CNOT6L: variants seen among roughly 807,000 people sequenced by gnomAD.
The protein encoded by CNOT6L is CCR4-NOT transcription complex subunit 6 like.
A neutral mutation model predicts 64.0 loss-of-function variants in CNOT6L; 7 were observed. That is an observed-to-expected ratio of 0.11 (90% CI 0.06 to 0.21). CNOT6L has a LOEUF of 0.21. Ranked by LOEUF, CNOT6L falls within the 10% of genes least tolerant of loss-of-function variation. The probability of loss-of-function intolerance (pLI) is 1.00; values close to 1 mark genes in which losing one functional copy is unlikely to be tolerated. For missense variants in CNOT6L, 245 were observed against 669.0 expected (o/e 0.37, Z 6.99); for synonymous variants, 193 against 243.4 (o/e 0.79, Z 1.93).
chr4:77,818,900 T>C (rs950271462), intron 1 of CNOT6L: 8 of 521,912 alleles, frequency 1.5e-5, no homozygotes, highest in Admixed American at 1.5e-4. Flanking sequence ...CCAGCAGCTC[T>C]CCCAGCCCCG....
chr4:77,815,601 A>G (rs1213941283), intron 1 of CNOT6L, among the ~76,000 whole-genome samples: 1 of 152,240 alleles, frequency 6.6e-6, no homozygotes, highest in Non-Finnish European at 1.5e-5. Context: ...CCCTTGTAGC[A>G]GAGATGGCCA....
chr4:77,726,376 G>A lies in CNOT6L; in HGVS notation c.1253-7C>T. The stretch of plus-strand genomic sequence containing the variant: ...CTTAAGTATTCCACAACACCTGGTA[G>A]AATAAAGAAGAGACACTTCCATTTA... On this transcript the variant is annotated splice_region_variant and splice_polypyrimidine_tract_variant and intron_variant, in intron 10 of 11. Transcript: ENST00000504123. 1 of 1,601,608 alleles carries A rather than the reference G, an allele frequency of 6.2e-7. No individual in the cohort carries two copies. Among genetic ancestry groups the A allele is most frequent in the Non-Finnish European group, 8.5e-7 (1 of 1,170,784 alleles).
intron 6 of CNOT6L, among the ~76,000 whole-genome samples, chr4:77,745,310 G>A (rs1261453877): frequency 6.6e-6 from 1 of 152,122 alleles, no homozygotes; most frequent in East Asian, 1.9e-4. Context: ...TTACTTTGAA[G>A]CAGAAGAGTA....
chr4:77,815,471 C>A (rs560434734), intron 1 of CNOT6L, among the ~76,000 whole-genome samples: 1 of 152,310 alleles, frequency 6.6e-6, no homozygotes, highest in African/African-American at 2.4e-5. Flanking sequence ...CCCCACCACT[C>A]TCCACTCACA....
intron 8 of CNOT6L, among the ~76,000 whole-genome samples, chr4:77,734,004 C>G (rs531052473): frequency 2.0e-5 from 3 of 152,190 alleles, no homozygotes; most frequent in Admixed American, 1.3e-4. Context: ...ATTTGAACAA[C>G]TCAAGTTTAC....
At chr4:77,780,744 G>A (rs1728767836) in intron 1 of CNOT6L, among the ~76,000 whole-genome samples, 1 of 151,834 alleles carries the variant, frequency 6.6e-6, no homozygotes, top group African/African-American at 2.4e-5. Context: ...TAATAAATTT[G>A]TCTTTGGTTC....
chr4:77,806,352 G>A (rs1014681616), intron 1 of CNOT6L, among the ~76,000 whole-genome samples: 1 of 152,042 alleles, frequency 6.6e-6, no homozygotes, highest in East Asian at 1.9e-4. Context: ...TTGAACCTGG[G>A]AGGCGGAGGT....
At chr4:77,801,701 G>GGGGGGGAA (rs10663911) in intron 1 of CNOT6L, among the ~76,000 whole-genome samples, 1 of 97,174 alleles carries the variant, frequency 1.0e-5, no homozygotes, top group South Asian at 3.9e-4. Context: ...GGGGGGGGGG[G>GGGGGGGAA]AGAATGAAAC....
chr4:77,755,757 G>A (rs1366519751), intron 5 of CNOT6L, among the ~76,000 whole-genome samples: 3 of 152,090 alleles, frequency 2.0e-5, no homozygotes, highest in African/African-American at 4.8e-5. Context: ...TTACGATAAA[G>A]AGAATTTTAA....
chr4:77,784,863 A>G lies in CNOT6L; in HGVS notation c.6-8471T>C, dbSNP rs78286329. ...TTTTCATCTTTTTTAATGGGTATCAACTTCCTTTTCATCATTCTTGGCTTA... is the reference window on the plus strand; with the variant it reads ...TTTTCATCTTTTTTAATGGGTATCAGCTTCCTTTTCATCATTCTTGGCTTA... On this transcript the variant is annotated intron_variant, in intron 1 of 11. Transcript: ENST00000504123. 0.015 allele frequency among the ~76,000 whole-genome samples: 2,215 copies of G among 152,212 alleles called. 86 individuals carry two copies. The East Asian group carries it at 0.16, about 11-fold the overall frequency.
At chr4:77,744,436 C>A (rs185555893) in intron 7 of CNOT6L, among the ~76,000 whole-genome samples, 1 of 151,438 alleles carries the variant, frequency 6.6e-6, no homozygotes, top group East Asian at 1.9e-4. Context: ...TTCAGCAATA[C>A]CAATGATCAT....
At chr4:77,759,398 T>C (rs1001469022) in intron 4 of CNOT6L, among the ~76,000 whole-genome samples, 2 of 151,870 alleles carry the variant, frequency 1.3e-5, no homozygotes, top group Non-Finnish European at 2.9e-5. Flanking sequence ...ACCCCGTCTC[T>C]ACTAAAAATA....
At chr4:77,797,586 TGATG>T (rs1269692238) in intron 1 of CNOT6L, among the ~76,000 whole-genome samples, 4 of 152,156 alleles carry the variant, frequency 2.6e-5, no homozygotes, top group African/African-American at 9.7e-5. Flanking sequence ...ACAAGAGTAG[TGATG>T]CTGGAAATTC....
At chr4:77,729,187 T>C (rs1271328846) in intron 9 of CNOT6L, 106 bp from the exon 10 acceptor site, 3 of 759,302 alleles carry the variant, frequency 4.0e-6, no homozygotes, top group Non-Finnish European at 6.6e-6. Context: ...TCTTTACTCT[T>C]TTCCATGAAT....
rs576381959 is a variant in CNOT6L at position 77,802,581 on chromosome 4, C to T, written c.5+16723G>A. Among the ~76,000 whole-genome samples, 4 of 152,240 alleles carry T rather than the reference C, an allele frequency of 2.6e-5. No individual in the cohort carries two copies. In the East Asian group the frequency reaches 7.7e-4, roughly 29 times the overall value. On this transcript the variant is annotated intron_variant, in intron 1 of 11. Coordinates refer to ENST00000504123, the MANE Select transcript of CNOT6L (RefSeq NM_144571.3). ...CTTTCCCCTCCCTTATCTTCTGGACCAGATTTTAACTAGACTGATAGAAGA... is the reference window on the plus strand; with the variant it reads ...CTTTCCCCTCCCTTATCTTCTGGACTAGATTTTAACTAGACTGATAGAAGA...
At chr4:77,782,661 A>T (rs1385355661) in intron 1 of CNOT6L, among the ~76,000 whole-genome samples, 11 of 127,710 alleles carry the variant, frequency 8.6e-5, no homozygotes, top group African/African-American at 3.3e-4. Context: ...TTTTTTTTTT[A>T]AAGAGACAGT....
At chr4:77,804,949 G>A (rs1243121158) in intron 1 of CNOT6L, among the ~76,000 whole-genome samples, 1 of 152,136 alleles carries the variant, frequency 6.6e-6, no homozygotes, top group Non-Finnish European at 1.5e-5. Context: ...CTACCACTTA[G>A]CCTTGAACAA....
chr4:77,763,166 C>CAAAAATACCAATAATTAT (rs1726435081), intron 4 of CNOT6L, among the ~76,000 whole-genome samples: 1 of 151,850 alleles, frequency 6.6e-6, no homozygotes, highest in African/African-American at 2.4e-5. Flanking sequence ...ACAGCAATAA[C>CAAAAATACCAATAATTAT]AAAAATACCA....
intron 1 of CNOT6L, among the ~76,000 whole-genome samples, chr4:77,782,803 C>T (rs1729015434): frequency 1.3e-5 from 2 of 152,072 alleles, no homozygotes; most frequent in African/African-American, 2.4e-5. Context: ...TAACTATACA[C>T]AACTATTAAT....
Sources: gnomAD v4.1 joint callset for allele counts (sites outside exome capture counted in the v4.1 genomes callset) on GRCh38, gnomAD v4.1.1 for gene constraint, MANE v1.5 for transcripts, NCBI Gene and HGNC (gene_info 2026-07-23, HGNC 2026-07-21) for gene names.